Variants in EFCAB6 observed in about 807,000 individuals in gnomAD.
EFCAB6 encodes the protein EF-hand calcium binding domain 6.
Under a neutral mutation model 169.8 loss-of-function variants are expected in EFCAB6, and 156 were observed. The ratio of observed to expected loss-of-function variants is 0.92; its 90% CI spans 0.81 to 1.05. The LOEUF (loss-of-function observed/expected upper bound fraction) is 1.05. EFCAB6 is among the 50% of genes least tolerant of loss of function. EFCAB6 has a pLI of 0.00. For missense variants in EFCAB6, 1,800 were observed against 1,829.1 expected, an observed-to-expected ratio of 0.98 and a Z score of 0.29; for synonymous variants, 698 against 676.4, an observed-to-expected ratio of 1.03 and a Z score of -0.50.
intron 10 of EFCAB6, among the ~76,000 whole-genome samples, chr22:43,692,987 C>T (rs908840020): frequency 4.0e-5 from 6 of 151,890 alleles, no homozygotes; most frequent in African/African-American, 1.5e-4. Flanking sequence ...GTCTCAAATG[C>T]AATAAGAGAA....
At chr22:43,540,436 G>C in intron 27 of EFCAB6, 79 bp from the exon 28 acceptor site, 1 of 1,599,470 alleles carries the variant, frequency 6.3e-7, no homozygotes, top group South Asian at 1.1e-5. Flanking sequence ...CGAGAAGTGG[G>C]ACAGGCCGGC....
chr22:43,619,323 C>T (rs2053965123), intron 20 of EFCAB6, among the ~76,000 whole-genome samples: 1 of 152,146 alleles, frequency 6.6e-6, no homozygotes, highest in South Asian at 2.1e-4. Context: ...GGCTGATTGC[C>T]TGCTAAAATA....
chr22:43,727,877 G>A (rs968804065), intron 8 of EFCAB6, among the ~76,000 whole-genome samples: 3 of 151,972 alleles, frequency 2.0e-5, no homozygotes, highest in African/African-American at 4.8e-5. Flanking sequence ...GCATCTGCTC[G>A]GCTTCAAGAA....
At chr22:43,675,237 ATGT>A (rs1164125497) in intron 13 of EFCAB6, among the ~76,000 whole-genome samples, 12 of 143,528 alleles carry the variant, frequency 8.4e-5, no homozygotes, top group African/African-American at 1.3e-4. Flanking sequence ...ATATATAACT[ATGT>A]TATTATATAT....
Position 43,678,014 on chromosome 22 carries a change from C to G in EFCAB6, c.1401G>C (p.Leu467=), listed in dbSNP as rs768446176. 2.5e-6 allele frequency: 4 copies of G among 1,613,528 alleles called. No homozygotes were observed. The South Asian group carries it at 3.3e-5, about 13-fold the overall frequency. ...AACTCACCCTACAGTTCTCTTCAATCAGATCAATAAACATGCTGGTGTTGA... is the reference window on the plus strand; with the variant it reads ...AACTCACCCTACAGTTCTCTTCAATGAGATCAATAAACATGCTGGTGTTGA... ...GVVNTSMFID[L]IEENCRMRKT... is the part of the protein sequence containing the mutation. The change falls in exon 13 of 32, where the codon CTG becomes CTC. Residue 467 remains leucine, a synonymous_variant. Coordinates refer to ENST00000262726, the MANE Select transcript of EFCAB6 (RefSeq NM_022785.4).
chr22:43,573,722 T>C (rs2050044040), intron 26 of EFCAB6, among the ~76,000 whole-genome samples: 2 of 123,632 alleles, frequency 1.6e-5, no homozygotes, highest in Admixed American at 9.0e-5. Context: ...CAAGAGTGAG[T>C]CTGTCTCAAC....
At chr22:43,615,989 T>C (rs2147719287) in intron 20 of EFCAB6, 67 bp from the exon 21 acceptor site, 1 of 1,328,174 alleles carries the variant, frequency 7.5e-7, no homozygotes, top group African/African-American at 1.5e-5. Flanking sequence ...TCCCAAGGGG[T>C]TTCCCTATCC....
At chr22:43,799,060 C>A (rs992745395) in intron 2 of EFCAB6, among the ~76,000 whole-genome samples, 1 of 152,104 alleles carries the variant, frequency 6.6e-6, no homozygotes, top group Non-Finnish European at 1.5e-5. Context: ...CAGTGGCTCA[C>A]ACCTTTAACC....
chr22:43,643,836 T>C (rs1253392241), intron 17 of EFCAB6, among the ~76,000 whole-genome samples: 1 of 152,050 alleles, frequency 6.6e-6, no homozygotes, highest in Non-Finnish European at 1.5e-5. Flanking sequence ...TTCTTTTTTT[T>C]TTTTTGAGAC....
chr22:43,740,482 A>G (rs2060328893), intron 6 of EFCAB6, among the ~76,000 whole-genome samples: 1 of 152,234 alleles, frequency 6.6e-6, no homozygotes. Flanking sequence ...TGCATTCAGG[A>G]CCAATCCTGA....
intron 10 of EFCAB6, among the ~76,000 whole-genome samples, chr22:43,698,855 T>C (rs1408951624): frequency 6.6e-6 from 1 of 152,196 alleles, no homozygotes; most frequent in Non-Finnish European, 1.5e-5. Context: ...CTAGATCTCA[T>C]GACTAGCTAC....
At chr22:43,775,754 C>T (rs1023972228) in intron 3 of EFCAB6, among the ~76,000 whole-genome samples, 1 of 152,198 alleles carries the variant, frequency 6.6e-6, no homozygotes, top group African/African-American at 2.4e-5. Context: ...ATGCCTGGTC[C>T]TCTTTAGATG....
chr22:43,564,888 T>G (rs574441227), intron 26 of EFCAB6, among the ~76,000 whole-genome samples: 1 of 152,234 alleles, frequency 6.6e-6, no homozygotes, highest in African/African-American at 2.4e-5. Flanking sequence ...AAGGGGGTGG[T>G]AGACTTGTCA....
At chr22:43,691,278 T>C (rs2058403734) in intron 10 of EFCAB6, among the ~76,000 whole-genome samples, 1 of 152,316 alleles carries the variant, frequency 6.6e-6, no homozygotes, top group South Asian at 2.1e-4. Context: ...TTTGTCAATA[T>C]TATATATGTT....
At position 43,626,551 on chromosome 22, in the gene EFCAB6, G is replaced by T. The variant is rs775533659; in HGVS notation, c.2361C>A (p.Gly787=). ...TGACACTAAGTCTCAAGCCAAGAAG[G>T]CCAAGGAAGCGCTCAAACTCGTCGT... The part of the protein sequence containing the change: ...LKDDEFERFL[G]LLGLRLSVTL... Residue 787 remains glycine, a synonymous_variant, in exon 20 of 32, where the codon GGC becomes GGA. Coordinates refer to ENST00000262726, the MANE Select transcript of EFCAB6 (RefSeq NM_022785.4). The T allele has an allele frequency of 3.7e-6, 6 of 1,614,164 alleles. No individual in the cohort carries two copies. The South Asian group carries it at 6.6e-5, about 18-fold the overall frequency.
rs957528340 is a variant in EFCAB6 at position 43,624,871 on chromosome 22, C to T, written c.2465+1576G>A. ...TTGAGTCATCTGAATGGGAAAACTG[C>T]ACTTTGCGGTTGAAATTTTCCATGT... On this transcript the variant is annotated intron_variant, in intron 20 of 31. Coordinates refer to ENST00000262726, the MANE Select transcript of EFCAB6 (RefSeq NM_022785.4). 4.9e-4 allele frequency among the ~76,000 whole-genome samples: 74 copies of T among 152,182 alleles called. 2 individuals are homozygous for T. Among genetic ancestry groups the T allele is most frequent in the Admixed American group, 4.8e-3 (73 of 15,280 alleles).
At chr22:43,798,351 CAA>C (rs755602448) in intron 2 of EFCAB6, among the ~76,000 whole-genome samples, 6 of 135,230 alleles carry the variant, frequency 4.4e-5, no homozygotes, top group Non-Finnish European at 4.8e-5. Flanking sequence ...GACTCCATCT[CAA>C]AAAAAAAAAA....
intron 6 of EFCAB6, among the ~76,000 whole-genome samples, chr22:43,755,136 A>G (rs1475354105): frequency 6.6e-6 from 1 of 152,244 alleles, no homozygotes; most frequent in Admixed American, 6.5e-5. Context: ...ATTGAATCAA[A>G]TAAATTAAAC....
rs150612043 is a variant in EFCAB6, at chr22:43,667,176, C to T, written c.1911G>A (p.Pro637=). The T allele has an allele frequency of 1.6e-5, 26 of 1,613,806 alleles. No homozygotes were observed. Among genetic ancestry groups the T allele is most frequent in the South Asian group, 6.6e-5 (6 of 91,048 alleles). Reference sequence around the variant, plus strand: ...AGTCAAGAAATCGTTTTTTGAATGCCGGGTCCTGCTGCTGTATACACTTTT... The same window carrying T: ...AGTCAAGAAATCGTTTTTTGAATGCTGGGTCCTGCTGCTGTATACACTTTT... The part of the protein sequence containing the change: ...KFKKCIQQQD[P]AFKKRFLDFS... Residue 637 remains proline (P), a synonymous_variant, in exon 17 of 32, where the codon CCG becomes CCA. Coordinates refer to ENST00000262726, the MANE Select transcript of EFCAB6 (RefSeq NM_022785.4).
Sources: gnomAD v4.1 joint callset for allele counts (sites outside exome capture counted in the v4.1 genomes callset) on GRCh38, gnomAD v4.1.1 for gene constraint, MANE v1.5 for transcripts, NCBI Gene and HGNC (gene_info 2026-07-23, HGNC 2026-07-21) for gene names.